The following TRPC6 variants were observed in gnomAD, a reference collection of about 807,000 sequenced individuals.
TRPC6 encodes the protein short transient receptor potential channel 6.
In TRPC6, 55 loss-of-function variants were observed where a neutral mutation model predicts 90.7. The observed-to-expected ratio is 0.61, with a 90% CI of 0.49 to 0.76. The LOEUF is 0.76. Ranked by LOEUF, TRPC6 falls within the 30% of genes least tolerant of loss-of-function variation. The pLI, the probability that TRPC6 is intolerant of heterozygous loss-of-function variation, is 0.00. For missense variants in TRPC6, 989 were observed against 1,122.7 expected, an observed-to-expected ratio of 0.88 and a Z score of 1.70; for synonymous variants, 393 against 393.0, an observed-to-expected ratio of 1.00 and a Z score of 0.00.
At chr11:101,582,069 G>A (rs1193835701) in intron 1 of TRPC6, among the ~76,000 whole-genome samples, 1 of 152,190 alleles carries the variant, frequency 6.6e-6, no homozygotes, top group African/African-American at 2.4e-5. Context: ...AAGTTAAATG[G>A]GGGAATTACG....
chr11:101,583,606 A>G lies in TRPC6; in HGVS notation c.-103T>C. 5.5e-6 allele frequency: 7 copies of G among 1,276,888 alleles called. No homozygotes were observed. In the South Asian group the frequency reaches 1.1e-4, roughly 20 times the overall value. The allele number at this position is 1,276,888 out of a possible 1,614,324, so 79.1% of individuals were successfully genotyped here. ...GGGTTCGCGTCAGCGGCCGAACTGG[A>G]CCTGGGCAGACCGGTGCCCAGGGGA... On this transcript the variant is annotated 5_prime_UTR_variant, in exon 1 of 13. Transcript: ENST00000344327.
In TRPC6 at chr11:101,471,135, T is replaced by C. The variant is rs1184302359; in HGVS notation, c.2409+48A>G. ...AAGGGATGTGGCATAGTGGTTACAG[T>C]AGTCACAAAATTTAAGAATACAATG... On this transcript the variant is annotated intron_variant, in intron 9 of 12. Transcript: ENST00000344327. 6.9e-6 allele frequency: 11 copies of C among 1,585,120 alleles called. No homozygotes were observed. The Admixed American group carries it at 1.8e-4, about 27-fold the overall frequency.
intron 1 of TRPC6, among the ~76,000 whole-genome samples, chr11:101,553,190 A>C (rs1204707302): frequency 6.6e-6 from 1 of 152,122 alleles, no homozygotes; most frequent in Non-Finnish European, 1.5e-5. Context: ...AGCTCTGATA[A>C]ATGTAATAAT....
At chr11:101,480,940 G>T (rs1196975706) in intron 5 of TRPC6, among the ~76,000 whole-genome samples, 1 of 152,050 alleles carries the variant, frequency 6.6e-6, no homozygotes, top group Admixed American at 6.6e-5. Flanking sequence ...TAAAATCAAA[G>T]CCATCTTCTG....
intron 1 of TRPC6, among the ~76,000 whole-genome samples, chr11:101,526,738 C>G (rs1039551255): frequency 2.0e-5 from 3 of 151,402 alleles, no homozygotes; most frequent in African/African-American, 7.3e-5. Context: ...GTGGCGGGTG[C>G]CTGTAATCCC....
chr11:101,545,655 A>C (rs1341375776), intron 1 of TRPC6, among the ~76,000 whole-genome samples: 1 of 152,130 alleles, frequency 6.6e-6, no homozygotes, highest in Non-Finnish European at 1.5e-5. Flanking sequence ...CAGATAAAAC[A>C]CTCATCTGGA....
Position 101,473,542 on chromosome 11 carries a change from T to G in TRPC6, c.1976A>C (p.Tyr659Ser), listed in dbSNP as rs1411729867. The G allele has an allele frequency of 6.2e-7, 1 of 1,613,350 alleles. No homozygotes were observed. The highest frequency in any genetic ancestry group is 8.5e-7 in the Non-Finnish European group (1 of 1,179,648). The change falls in exon 7 of 13, where the codon TAC becomes TCC. Residue 659 changes from tyrosine (Y) to serine (S), a missense_variant. Transcript: ENST00000344327. ...MIGMFNLYSY[Y>S]IGAKQNEAFT... is the part of the protein sequence containing the mutation. ...GGCTTCATTTTGTTTTGCACCAATG[T>G]AGTAGGAGTAGAGATTGAACATTCC...
chr11:101,578,039 T>C (rs898962187), intron 1 of TRPC6, among the ~76,000 whole-genome samples: 2 of 152,146 alleles, frequency 1.3e-5, no homozygotes, highest in Non-Finnish European at 2.9e-5. Context: ...CTTATTTGAA[T>C]AAATATCAAG....
At chr11:101,524,828 G>T (rs976533906) in intron 1 of TRPC6, among the ~76,000 whole-genome samples, 35 of 152,144 alleles carry the variant, frequency 2.3e-4, no homozygotes, top group African/African-American at 8.2e-4. Context: ...CACTTGTTTT[G>T]TGTCATTATT....
Position 101,491,548 on chromosome 11 carries a change from G to A in TRPC6, c.1128+8C>T. 1 of 1,613,376 alleles carries A rather than the reference G, an allele frequency of 6.2e-7. No homozygotes were observed. The highest frequency in any genetic ancestry group is 8.5e-7 in the Non-Finnish European group (1 of 1,179,686). ...AATAATGTAAACGGGCTTCACGCCT[G>A]ACCTTACTTTTTTTACTTCATATTT... On this transcript the variant is annotated splice_region_variant and intron_variant, in intron 3 of 12. Coordinates refer to ENST00000344327, the MANE Select transcript of TRPC6 (RefSeq NM_004621.6).
At chr11:101,550,364 T>G (rs1454293378) in intron 1 of TRPC6, among the ~76,000 whole-genome samples, 1 of 151,570 alleles carries the variant, frequency 6.6e-6, no homozygotes, top group Non-Finnish European at 1.5e-5. Context: ...GGATGTAAAA[T>G]CATGCATATA....
At chr11:101,523,868 G>C (rs539778222) in intron 1 of TRPC6, among the ~76,000 whole-genome samples, 2 of 152,354 alleles carry the variant, frequency 1.3e-5, no homozygotes, top group Admixed American at 6.5e-5. Flanking sequence ...TCAGAATGGA[G>C]ATGGTGATTC....
intron 1 of TRPC6, among the ~76,000 whole-genome samples, chr11:101,535,915 C>T (rs1861034405): frequency 6.6e-6 from 1 of 152,132 alleles, no homozygotes; most frequent in Admixed American, 6.5e-5. Flanking sequence ...AGGAAAATGG[C>T]AGACTGTTTA....
intron 1 of TRPC6, among the ~76,000 whole-genome samples, chr11:101,545,897 T>C (rs1861291518): frequency 6.6e-6 from 1 of 152,056 alleles, no homozygotes; most frequent in Non-Finnish European, 1.5e-5. Flanking sequence ...GTTTTCTGGT[T>C]TTCACACAGA....
rs148362019 is a variant in TRPC6 at position 101,472,817 on chromosome 11, T to C, written c.2010-485A>G. Among the ~76,000 whole-genome samples the C allele has an allele frequency of 3.9e-5, 6 of 152,314 alleles. No homozygotes were observed. The East Asian group carries it at 1.2e-3, about 29-fold the overall frequency. ...TTTAGGCCTAATTATTGACCAAAGC[T>C]AAGCCAGTTTGCTTAACTCAGGTGG... On this transcript the variant is annotated intron_variant, in intron 7 of 12. Transcript: ENST00000344327.
chr11:101,558,606 G>C (rs1277694496), intron 1 of TRPC6, among the ~76,000 whole-genome samples: 1 of 151,808 alleles, frequency 6.6e-6, no homozygotes, highest in African/African-American at 2.4e-5. Flanking sequence ...CACCCAAGCT[G>C]GAGTGCAATC....
intron 3 of TRPC6, among the ~76,000 whole-genome samples, chr11:101,491,027 A>G (rs1192674275): frequency 6.6e-6 from 1 of 152,236 alleles, no homozygotes; most frequent in East Asian, 1.9e-4. Flanking sequence ...GAAAATGGCA[A>G]TCCCTGTAAG....
At chr11:101,561,678 G>A (rs1181922804) in intron 1 of TRPC6, among the ~76,000 whole-genome samples, 1 of 151,914 alleles carries the variant, frequency 6.6e-6, no homozygotes, top group Non-Finnish European at 1.5e-5. Context: ...ATATGAGAGG[G>A]CATGCCAGTA....
chr11:101,476,368 G>A lies in TRPC6; in HGVS notation c.1677C>T (p.Asp559=), dbSNP rs552837414. The change falls in exon 6 of 13, where the codon GAC becomes GAT. Residue 559 remains aspartate, a synonymous_variant. Transcript: ENST00000344327. Reference sequence around the variant, plus strand: ...TCAAGTCCTTCAAAGTATCATTTGCGTCAATGATGCTCTGGGCTTTGGAAG... The same window carrying A: ...TCAAGTCCTTCAAAGTATCATTTGCATCAATGATGCTCTGGGCTTTGGAAG... ...WHASKAQSII[D]ANDTLKDLTK... is the part of the protein sequence containing the mutation. 6.3e-5 allele frequency: 101 copies of A among 1,613,972 alleles called. 1 individual carries two copies. Among genetic ancestry groups the A allele is most frequent in the Middle Eastern group, 5.0e-4 (3 of 6,058 alleles).
Sources: allele counts gnomAD v4.1 joint callset (sites outside exome capture counted in the v4.1 genomes callset), GRCh38; gene constraint gnomAD v4.1.1; transcripts MANE v1.5; gene names NCBI Gene and HGNC (gene_info 2026-07-23, HGNC 2026-07-21).